DNAH10: variants seen among roughly 807,000 people sequenced by gnomAD.
The protein encoded by DNAH10 is axonemal beta dynein heavy chain 10.
In DNAH10, 348 loss-of-function variants were observed where a neutral mutation model predicts 506.6. The observed-to-expected ratio is 0.69, with a 90% confidence interval of 0.63 to 0.75. The LOEUF (loss-of-function observed/expected upper bound fraction) is 0.75, where lower values mean the gene tolerates loss of function less well. Ranked by LOEUF, DNAH10 falls within the 30% of genes least tolerant of loss-of-function variation. The pLI, the probability that DNAH10 is intolerant of heterozygous loss-of-function variation, is 0.00. For missense variants in DNAH10, 5,179 were observed against 5,787.1 expected (o/e 0.89, Z 3.41); for synonymous variants, 2,059 against 2,198.6 (o/e 0.94, Z 1.78).
At chr12:123,933,772 G>A (rs1347369072) in intron 77 of DNAH10, among the ~76,000 whole-genome samples, 2 of 152,180 alleles carry the variant, frequency 1.3e-5, no homozygotes, top group Non-Finnish European at 2.9e-5. Context: ...TGTTCACTCT[G>A]CTAGCTCATG....
intron 5 of DNAH10, among the ~76,000 whole-genome samples, chr12:123,775,482 T>G (rs1957405416): frequency 6.6e-6 from 1 of 152,002 alleles, no homozygotes; most frequent in Non-Finnish European, 1.5e-5. Flanking sequence ...ATTAGGGAAA[T>G]GCACTAGGGA....
At chr12:123,793,682 CTGT>C (rs943784125) in intron 11 of DNAH10, among the ~76,000 whole-genome samples, 2 of 152,168 alleles carry the variant, frequency 1.3e-5, no homozygotes, top group Non-Finnish European at 2.9e-5. Context: ...ACTATTTCCT[CTGT>C]TGTTGTGTCC....
Position 123,907,629 on chromosome 12 carries a change from A to G in DNAH10, c.9816-1632A>G, listed in dbSNP as rs1177081080. 1.3e-5 allele frequency among the ~76,000 whole-genome samples: 2 copies of G among 152,158 alleles called. No individual in the cohort carries two copies. Among genetic ancestry groups the G allele is most frequent in the African/African-American group, 4.8e-5 (2 of 41,442 alleles). ...GCGTCTCTACTTCACAGATGGGGAAACTGACGCCCTGGCTGGTTCCTAACT... is the reference window on the plus strand; with the variant it reads ...GCGTCTCTACTTCACAGATGGGGAAGCTGACGCCCTGGCTGGTTCCTAACT... On this transcript the variant is annotated intron_variant, in intron 57 of 78. Transcript: ENST00000673944. This position sits in a 1 kb window ranked among gnomAD's most constrained non-coding sequence, Gnocchi z 4.4.
At chr12:123,923,926 TAA>T (rs1423163776) in intron 66 of DNAH10, 59 bp downstream of exon 66, 6 of 1,279,134 alleles carry the variant, frequency 4.7e-6, no homozygotes, top group East Asian at 4.8e-5. Context: ...TACATGTATA[TAA>T]GTTTGTCTGT....
At chr12:123,772,972 G>T (rs747928868) in intron 4 of DNAH10, 30 bp downstream of exon 4, 5 of 1,492,176 alleles carry the variant, frequency 3.4e-6, no homozygotes, top group Non-Finnish European at 4.6e-6. Flanking sequence ...GTGTGTATGT[G>T]TGTTGAGGGG....
Position 123,875,333 on chromosome 12 carries a change from C to G in DNAH10, c.8041C>G (p.Arg2681Gly). The change falls in exon 47 of 79, where the codon CGA becomes GGA. Residue 2681 changes from arginine (R) to glycine (G), a missense_variant. This residue lies in a region of DNAH10 where 4,844 missense variants were observed against 5,430.5 expected (regional missense o/e 0.89). Coordinates refer to ENST00000673944, the MANE Select transcript of DNAH10 (RefSeq NM_001372106.1). Reference sequence around the variant, plus strand: ...GAAGGAGCTGAACTGTAAAAGCATTCGAGACCTTGGCTTTATTGCTGCAAT... The same window carrying G: ...GAAGGAGCTGAACTGTAAAAGCATTGGAGACCTTGGCTTTATTGCTGCAAT... ...RGKELNCKSIRDLGFIAAMGK... is the reference protein window; with the variant it reads ...RGKELNCKSIGDLGFIAAMGK... The G allele has an allele frequency of 6.2e-7, 1 of 1,613,884 alleles. No homozygotes were observed. The highest frequency in any genetic ancestry group is 8.5e-7 in the Non-Finnish European group (1 of 1,179,862).
At chr12:123,922,713 G>C (rs1954782074) in intron 65 of DNAH10, among the ~76,000 whole-genome samples, 1 of 152,188 alleles carries the variant, frequency 6.6e-6, no homozygotes, top group South Asian at 2.1e-4. Context: ...GTAGGAGGCT[G>C]TCTTCCTGCT....
intron 33 of DNAH10, among the ~76,000 whole-genome samples, chr12:123,848,409 T>C (rs7977713): frequency 0.61 from 92,568 of 151,976 alleles, 28,800 homozygotes; most frequent in African/African-American, 0.71. Context: ...CTAAAGAGGG[T>C]GCCCGTCCAG....
intron 45 of DNAH10, among the ~76,000 whole-genome samples, chr12:123,872,904 G>T (rs573123438): frequency 8.5e-5 from 13 of 152,196 alleles, no homozygotes; most frequent in Non-Finnish European, 1.6e-4. Context: ...AACCCTGCAG[G>T]TGGAGCTGAT....
intron 24 of DNAH10, 108 bp from the exon 25 acceptor site, chr12:123,826,579 G>C: frequency 2.2e-6 from 2 of 916,480 alleles, no homozygotes; most frequent in Non-Finnish European, 3.3e-6. Context: ...TAGATAGATG[G>C]GTAATACTTT....
At chr12:123,923,916 T>C (rs1954832177) in intron 66 of DNAH10, 49 bp downstream of exon 66, 1 of 1,341,786 alleles carries the variant, frequency 7.5e-7, no homozygotes, top group Non-Finnish European at 1.0e-6. Context: ...GCCCACATGA[T>C]ACATGTATAT....
intron 1 of DNAH10, among the ~76,000 whole-genome samples, chr12:123,765,167 G>A (rs1307240671): frequency 2.0e-5 from 3 of 151,866 alleles, no homozygotes; most frequent in Non-Finnish European, 4.4e-5. Flanking sequence ...AGATACTGGG[G>A]CAGGTGGTGG....
At chr12:123,863,490 A>C (rs1460067455) in intron 39 of DNAH10, among the ~76,000 whole-genome samples, 4 of 152,224 alleles carry the variant, frequency 2.6e-5, no homozygotes, top group African/African-American at 9.6e-5. Context: ...AAGTCTAAAA[A>C]GAGGTGTGAG....
At chr12:123,828,282 G>C (rs943089391) in intron 25 of DNAH10, among the ~76,000 whole-genome samples, 2 of 152,064 alleles carry the variant, frequency 1.3e-5, no homozygotes, top group Non-Finnish European at 2.9e-5. Context: ...AGGACACAGC[G>C]TAAGAATTAA....
chr12:123,894,687 C>A lies in DNAH10; in HGVS notation c.9244C>A (p.Pro3082Thr), dbSNP rs756844207. The A allele has an allele frequency of 6.2e-7, 1 of 1,614,000 alleles. No individual in the cohort carries two copies. Among genetic ancestry groups the A allele is most frequent in the South Asian group, 1.1e-5 (1 of 91,082 alleles). ...TATTGACTGGTTCATGCCCTGGCCTCCCCAAGCCCTCCATGCGGTCGCAAA... is the reference window on the plus strand; with the variant it reads ...TATTGACTGGTTCATGCCCTGGCCTACCCAAGCCCTCCATGCGGTCGCAAA... Reference protein sequence around the residue: ...TGIDWFMPWPPQALHAVAKSF... With the variant: ...TGIDWFMPWPTQALHAVAKSF... The change falls in exon 54 of 79, where the codon CCC becomes ACC. Residue 3082 changes from proline to threonine, a missense_variant. Transcript: ENST00000673944.
chr12:123,766,080 A>T (rs904568229), intron 1 of DNAH10, among the ~76,000 whole-genome samples: 1 of 138,290 alleles, frequency 7.2e-6, no homozygotes, highest in Non-Finnish European at 1.5e-5. Flanking sequence ...CTATACATCT[A>T]TCTATACATC....
chr12:123,870,662 T>C (rs1951994297), intron 44 of DNAH10, among the ~76,000 whole-genome samples, 177 bp downstream of exon 44: 1 of 152,086 alleles, frequency 6.6e-6, no homozygotes, highest in Admixed American at 6.5e-5. Flanking sequence ...GTGGCCGCTT[T>C]GGTATTTTTG....
chr12:123,797,591 C>T (rs905394128), intron 13 of DNAH10, among the ~76,000 whole-genome samples: 1 of 152,076 alleles, frequency 6.6e-6, no homozygotes, highest in African/African-American at 2.4e-5. Context: ...TGAGGTTGCA[C>T]CATGTTGCCT....
At chr12:123,895,052 A>G (rs1953157712) in intron 54 of DNAH10, among the ~76,000 whole-genome samples, 1 of 152,214 alleles carries the variant, frequency 6.6e-6, no homozygotes, top group Non-Finnish European at 1.5e-5. Context: ...TCACTCATTA[A>G]TTAACATATT....
Sources: allele counts gnomAD v4.1 joint callset (sites outside exome capture counted in the v4.1 genomes callset), GRCh38; gene constraint gnomAD v4.1.1; regional missense constraint gnomAD v4.1.1; non-coding constraint Gnocchi (gnomAD v3.1); transcripts MANE v1.5; gene names NCBI Gene and HGNC (gene_info 2026-07-23, HGNC 2026-07-21).